The following NOL4 variants were observed in gnomAD, a reference collection of about 807,000 sequenced individuals.
NOL4 encodes the protein cancer/testis antigen 125.
In NOL4, 17 loss-of-function variants were observed where a neutral mutation model predicts 75.9. That is an observed-to-expected ratio of 0.22 (90% CI 0.15 to 0.34). The LOEUF is 0.34. NOL4 is among the 10% of genes least tolerant of loss of function. The pLI is 1.00. For missense variants in NOL4, 614 were observed against 793.5 expected (o/e 0.77, Z 2.72); for synonymous variants, 292 against 289.9 (o/e 1.01, Z -0.07).
At chr18:34,135,992 G>A (rs11661907) in intron 1 of NOL4, among the ~76,000 whole-genome samples, 138,570 of 152,158 alleles carry the variant, frequency 0.91, 63,313 homozygotes, top group African/African-American at 0.98. Context: ...ATATACCACA[G>A]TCAAGTAGGA....
chr18:33,958,871 T>C (rs532395872), intron 6 of NOL4, among the ~76,000 whole-genome samples: 7 of 152,296 alleles, frequency 4.6e-5, no homozygotes, highest in African/African-American at 1.4e-4. Context: ...ATCAGTATTA[T>C]GCTAACTTTA....
At chr18:34,170,284 T>C (rs2032895411) in intron 1 of NOL4, among the ~76,000 whole-genome samples, 1 of 152,092 alleles carries the variant, frequency 6.6e-6, no homozygotes, top group East Asian at 1.9e-4. Flanking sequence ...TTGAAGCGAT[T>C]CTCCTGCCTC....
chr18:34,010,105 G>A (rs1429763020), intron 6 of NOL4, among the ~76,000 whole-genome samples: 1 of 151,630 alleles, frequency 6.6e-6, no homozygotes, highest in African/African-American at 2.4e-5. Context: ...GTATTAAAAA[G>A]CATACCATAT....
chr18:34,123,300 C>A (rs1022841152), intron 2 of NOL4, among the ~76,000 whole-genome samples: 8 of 151,332 alleles, frequency 5.3e-5, no homozygotes, highest in Non-Finnish European at 1.2e-4. Context: ...ATTTAATTAT[C>A]ATGCTGAATT....
intron 6 of NOL4, among the ~76,000 whole-genome samples, chr18:33,993,657 A>T (rs2062868950): frequency 6.6e-6 from 1 of 151,944 alleles, no homozygotes; most frequent in South Asian, 2.1e-4. Flanking sequence ...TAACAGAATA[A>T]GATGTCAAAG....
chr18:34,222,847 G>T, intron 1 of NOL4, 143 bp downstream of exon 1: 1 of 1,075,916 alleles, frequency 9.3e-7, no homozygotes, highest in African/African-American at 1.6e-5. Context: ...GAGTGGGGAC[G>T]ACTTGGGGAG....
intron 5 of NOL4, among the ~76,000 whole-genome samples, chr18:34,071,888 A>T (rs1420589892): frequency 6.6e-6 from 1 of 152,194 alleles, no homozygotes; most frequent in Admixed American, 6.5e-5. Flanking sequence ...GTACCTAACT[A>T]TATGATAACC....
chr18:34,113,071 T>A (rs1294622376), intron 2 of NOL4, among the ~76,000 whole-genome samples: 1 of 152,104 alleles, frequency 6.6e-6, no homozygotes, highest in Non-Finnish European at 1.5e-5. Context: ...GCTCAAGTGA[T>A]CGATCCTCCT....
chr18:33,933,457 G>A (rs1222156373), intron 9 of NOL4, among the ~76,000 whole-genome samples: 1 of 152,096 alleles, frequency 6.6e-6, no homozygotes, highest in Admixed American at 6.6e-5. Context: ...TTTCTCTAAA[G>A]TATACAAAAC....
chr18:33,989,517 A>C (rs1355641198), intron 6 of NOL4, among the ~76,000 whole-genome samples: 3 of 152,122 alleles, frequency 2.0e-5, no homozygotes, highest in African/African-American at 7.2e-5. Flanking sequence ...AGTAGCCCAA[A>C]TGAAGATCTA....
intron 7 of NOL4, among the ~76,000 whole-genome samples, chr18:33,957,954 CG>C (rs1403772064): frequency 6.6e-6 from 1 of 152,076 alleles, no homozygotes; most frequent in Non-Finnish European, 1.5e-5. Flanking sequence ...TAACAGATGA[CG>C]GGCGTACTCT....
chr18:33,864,319 C>A (rs535767624), intron 10 of NOL4, among the ~76,000 whole-genome samples: 2 of 152,266 alleles, frequency 1.3e-5, no homozygotes, highest in Admixed American at 6.5e-5. Flanking sequence ...TGTGAGACTG[C>A]AAAATTTTCT....
chr18:33,941,108 T>A (rs551371390), intron 9 of NOL4, among the ~76,000 whole-genome samples: 4 of 152,044 alleles, frequency 2.6e-5, no homozygotes, highest in African/African-American at 9.6e-5. Context: ...TAACAACATA[T>A]AAACGTATGA....
intron 5 of NOL4, among the ~76,000 whole-genome samples, chr18:34,033,168 C>A (rs888929068): frequency 6.6e-6 from 1 of 151,844 alleles, no homozygotes; most frequent in African/African-American, 2.4e-5. Context: ...CGTATGACAC[C>A]TTTAAAGGGC....
intron 6 of NOL4, among the ~76,000 whole-genome samples, chr18:33,970,825 T>G (rs189448093): frequency 6.6e-6 from 1 of 152,206 alleles, no homozygotes; most frequent in Non-Finnish European, 1.5e-5. Context: ...TCTGGACAAT[T>G]ATATGTTTGA....
At chr18:34,025,938 C>T (rs1210650806) in intron 5 of NOL4, among the ~76,000 whole-genome samples, 1 of 152,104 alleles carries the variant, frequency 6.6e-6, no homozygotes, top group Non-Finnish European at 1.5e-5. Context: ...CAGTTCTTCT[C>T]CCTATGGTAA....
chr18:33,861,503 T>C (rs1697762340), intron 10 of NOL4, among the ~76,000 whole-genome samples: 1 of 152,166 alleles, frequency 6.6e-6, no homozygotes, highest in Admixed American at 6.6e-5. Flanking sequence ...TTTTTTATTG[T>C]GTCTATTTGA....
chr18:33,863,957 C>T (rs2063306891), intron 10 of NOL4, among the ~76,000 whole-genome samples: 1 of 152,174 alleles, frequency 6.6e-6, no homozygotes, highest in African/African-American at 2.4e-5. Flanking sequence ...ACCAGCAGGT[C>T]AATCACCATG....
At chr18:34,137,874 A>T (rs1483900158) in intron 1 of NOL4, among the ~76,000 whole-genome samples, 1 of 152,078 alleles carries the variant, frequency 6.6e-6, no homozygotes, top group African/African-American at 2.4e-5. Flanking sequence ...CATGAATATT[A>T]ATAGTAGCAT....
Sources: gnomAD v4.1 joint callset for allele counts (sites outside exome capture counted in the v4.1 genomes callset) on GRCh38, gnomAD v4.1.1 for gene constraint, MANE v1.5 for transcripts, NCBI Gene and HGNC (gene_info 2026-07-23, HGNC 2026-07-21) for gene names.